Variants in PXDNL observed in about 807,000 individuals in gnomAD.
The protein encoded by PXDNL is peroxidasin like.
Under a neutral mutation model 150.8 loss-of-function variants are expected in PXDNL, and 145 were observed. The ratio of observed to expected loss-of-function variants is 0.96; its 90% CI spans 0.84 to 1.10. The LOEUF is 1.10. PXDNL is among the 50% of genes least tolerant of loss of function. The pLI, the probability that PXDNL is intolerant of heterozygous loss-of-function variation, is 0.00. For synonymous variants in PXDNL, 757 were observed against 725.7 expected (o/e 1.04, Z -0.69); for missense variants, 2,087 against 1,873.9 (o/e 1.11, Z -2.10).
At chr8:51,597,294 TTGG>T (rs1813591229) in intron 2 of PXDNL, among the ~76,000 whole-genome samples, 1 of 152,218 alleles carries the variant, frequency 6.6e-6, no homozygotes, top group Non-Finnish European at 1.5e-5. Flanking sequence ...CAATGCTGTC[TTGG>T]TTACTGTGGC....
intron 7 of PXDNL, among the ~76,000 whole-genome samples, chr8:51,473,745 T>TAAAAAA (rs58652177): frequency 7.7e-6 from 1 of 129,922 alleles, no homozygotes. Flanking sequence ...ATGTCTAATT[T>TAAAAAA]AAAAAAAAAA....
intron 5 of PXDNL, among the ~76,000 whole-genome samples, chr8:51,494,992 ACAC>A (rs1195434766): frequency 6.6e-6 from 1 of 152,170 alleles, no homozygotes; most frequent in African/African-American, 2.4e-5. Flanking sequence ...TTTCAGCACC[ACAC>A]CACACCTATT....
intron 1 of PXDNL, among the ~76,000 whole-genome samples, chr8:51,780,224 G>A (rs6999321): frequency 0.69 from 104,364 of 151,918 alleles, 42,338 homozygotes; most frequent in Non-Finnish European, 0.9. Context: ...AAAAAAAGAA[G>A]TGCAGAGCCT....
At chr8:51,578,720 A>G (rs1473330592) in intron 3 of PXDNL, among the ~76,000 whole-genome samples, 1 of 152,058 alleles carries the variant, frequency 6.6e-6, no homozygotes, top group African/African-American at 2.4e-5. Context: ...AGGATGTATT[A>G]TTTAGCTATA....
chr8:51,352,895 A>G (rs1318984711), intron 19 of PXDNL, among the ~76,000 whole-genome samples: 2 of 152,292 alleles, frequency 1.3e-5, no homozygotes, highest in East Asian at 3.9e-4. Flanking sequence ...AGTGGGAGCT[A>G]ACAATGGGTA....
intron 1 of PXDNL, among the ~76,000 whole-genome samples, chr8:51,705,934 G>A (rs1234610816): frequency 6.6e-6 from 1 of 152,206 alleles, no homozygotes; most frequent in Middle Eastern, 3.2e-3. Flanking sequence ...TCCAGACAAA[G>A]TGGAAAGAAT....
intron 3 of PXDNL, among the ~76,000 whole-genome samples, chr8:51,580,205 C>T (rs1346190376): frequency 6.6e-6 from 1 of 151,934 alleles, no homozygotes; most frequent in Non-Finnish European, 1.5e-5. Flanking sequence ...CATGAGGGAC[C>T]TTGGGTGATA....
chr8:51,436,358 C>T, intron 12 of PXDNL: 1 of 437,604 alleles, frequency 2.3e-6, no homozygotes, highest in Non-Finnish European at 4.7e-6. Context: ...GGAGGACCAA[C>T]TTTATATAAA....
chr8:51,588,896 T>C (rs1813381977), intron 3 of PXDNL, among the ~76,000 whole-genome samples: 1 of 152,182 alleles, frequency 6.6e-6, no homozygotes, highest in Admixed American at 6.5e-5. Flanking sequence ...AAGAATGGCA[T>C]GCACCTGGGC....
chr8:51,513,349 G>A (rs1159427613), intron 4 of PXDNL, among the ~76,000 whole-genome samples: 2 of 152,208 alleles, frequency 1.3e-5, no homozygotes, highest in Non-Finnish European at 2.9e-5. Flanking sequence ...ACTGTGCCTT[G>A]TGAAAGTTGC....
At chr8:51,766,541 C>A (rs1459877802) in intron 1 of PXDNL, among the ~76,000 whole-genome samples, 1 of 152,144 alleles carries the variant, frequency 6.6e-6, no homozygotes, top group Non-Finnish European at 1.5e-5. Context: ...TAATCCTCTC[C>A]ATATCTGTTT....
chr8:51,519,446 T>TTCTCC (rs2130376717), intron 4 of PXDNL, among the ~76,000 whole-genome samples: 2 of 152,040 alleles, frequency 1.3e-5, no homozygotes, highest in East Asian at 3.9e-4. Context: ...GACAGGAGAA[T>TTCTCC]TGCTTGAACC....
intron 12 of PXDNL, among the ~76,000 whole-genome samples, chr8:51,434,925 A>G (rs1232980228): frequency 2.6e-5 from 4 of 152,230 alleles, no homozygotes; most frequent in African/African-American, 9.6e-5. Context: ...ATGATTGAAC[A>G]TCTATACCCA....
At chr8:51,599,486 G>C (rs1341045769) in intron 2 of PXDNL, among the ~76,000 whole-genome samples, 1 of 151,212 alleles carries the variant, frequency 6.6e-6, no homozygotes, top group African/African-American at 2.4e-5. Context: ...AAGTCATTCA[G>C]AAACAAGTTG....
intron 1 of PXDNL, among the ~76,000 whole-genome samples, chr8:51,747,817 G>C (rs1390010634): frequency 6.6e-6 from 1 of 152,174 alleles, no homozygotes; most frequent in Non-Finnish European, 1.5e-5. Flanking sequence ...AGCAATAAAA[G>C]ATTTGTTTGT....
intron 15 of PXDNL, among the ~76,000 whole-genome samples, chr8:51,412,416 C>T (rs1346266909): frequency 6.6e-6 from 1 of 152,152 alleles, no homozygotes; most frequent in African/African-American, 2.4e-5. Flanking sequence ...GTCACTTGCT[C>T]AAGGTCACCC....
At chr8:51,733,765 G>A (rs1442514828) in intron 1 of PXDNL, among the ~76,000 whole-genome samples, 1 of 149,662 alleles carries the variant, frequency 6.7e-6, no homozygotes, top group Non-Finnish European at 1.5e-5. Flanking sequence ...CCAAGGTCAT[G>A]CCACTGCACT....
intron 1 of PXDNL, among the ~76,000 whole-genome samples, chr8:51,712,683 G>GA (rs994806448): frequency 1.3e-5 from 2 of 151,968 alleles, no homozygotes; most frequent in Non-Finnish European, 2.9e-5. Context: ...TATAGTATAA[G>GA]AAAAAAAGTC....
intron 2 of PXDNL, among the ~76,000 whole-genome samples, chr8:51,652,456 C>A (rs1044515650): frequency 1.7e-4 from 25 of 151,152 alleles, no homozygotes; most frequent in East Asian, 3.9e-4. Flanking sequence ...CACACACACA[C>A]ACACAAACAC....
Sources: allele counts gnomAD v4.1 joint callset (sites outside exome capture counted in the v4.1 genomes callset), GRCh38; gene constraint gnomAD v4.1.1; transcripts MANE v1.5; gene names NCBI Gene and HGNC (gene_info 2026-07-23, HGNC 2026-07-21).